The following NFYB variants were observed in gnomAD, a reference collection of about 807,000 sequenced individuals.
NFYB encodes the protein CAAT box DNA-binding protein subunit B.
Under a neutral mutation model 28.0 loss-of-function variants are expected in NFYB, and 13 were observed. The ratio of observed to expected loss-of-function variants is 0.46; its 90% CI spans 0.30 to 0.74. The LOEUF (loss-of-function observed/expected upper bound fraction) is 0.74, where lower values mean the gene tolerates loss of function less well. NFYB is among the 30% of genes least tolerant of loss of function. The probability of loss-of-function intolerance (pLI) is 0.07; values close to 1 mark genes in which losing one functional copy is unlikely to be tolerated. For synonymous variants in NFYB, 74 were observed against 75.0 expected (o/e 0.99, Z 0.07); for missense variants, 142 against 247.6 (o/e 0.57, Z 2.86).
At chr12:104,135,939 C>T (rs565918954) in intron 1 of NFYB, among the ~76,000 whole-genome samples, 6 of 152,284 alleles carry the variant, frequency 3.9e-5, no homozygotes, top group African/African-American at 1.2e-4. Context: ...CCCTTATCAT[C>T]TTAATTTTTT....
At chr12:104,131,028 T>TA (rs1308268803) in intron 2 of NFYB, 1 of 152,218 alleles carries the variant, frequency 6.6e-6, no homozygotes, top group Admixed American at 6.5e-5. Context: ...AAGACACTGT[T>TA]CAAATAACCA....
chr12:104,123,688 G>C (rs1329010923), intron 4 of NFYB, among the ~76,000 whole-genome samples: 1 of 152,138 alleles, frequency 6.6e-6, no homozygotes, highest in African/African-American at 2.4e-5. Context: ...TGCCTGGCAG[G>C]GTGACTCATG....
At chr12:104,122,186 T>C (rs1011322954) in intron 5 of NFYB, among the ~76,000 whole-genome samples, 1 of 152,182 alleles carries the variant, frequency 6.6e-6, no homozygotes, top group Non-Finnish European at 1.5e-5. Flanking sequence ...TTCTATGATA[T>C]AGGTACTATT....
rs905432594 is a variant in NFYB, at chr12:104,119,640, G to T, written c.*97C>A. ...TACATTACAGCTATTAATATACAAA[G>T]ATACATCTTTTCACCAGTCTTTCCT... is the stretch of plus-strand genomic sequence containing the variant. On this transcript the variant is annotated 3_prime_UTR_variant, in exon 8 of 8. Transcript: ENST00000240055. The T allele has an allele frequency of 4.8e-5, 40 of 826,516 alleles. 1 individual carries two copies. In the South Asian group the frequency reaches 6.8e-4, roughly 14 times the overall value. 51.2% of individuals were successfully genotyped at this position (826,516 alleles called of 1,614,324 possible).
At position 104,135,384 on chromosome 12, in the gene NFYB, A is replaced by G. The variant is rs1310614616; in HGVS notation, c.6+64T>C. 4.8e-6 allele frequency: 7 copies of G among 1,467,210 alleles called. No homozygotes were observed. In the East Asian group the frequency reaches 7.4e-5, roughly 15 times the overall value. The allele number at this position is 1,467,210 out of a possible 1,614,324, so 90.9% of individuals were successfully genotyped here. A position where few individuals can be genotyped will look rare whatever the true frequency, so the allele number is the denominator to read the frequency against. On this transcript the variant is annotated intron_variant, in intron 2 of 7. Coordinates refer to ENST00000240055, the MANE Select transcript of NFYB (RefSeq NM_006166.4). Reference sequence around the variant, plus strand: ...GCACCTCCAGTATAAATTGGTTACAATTTTATTTCCAGCCAATTACTATTC... The same window carrying G: ...GCACCTCCAGTATAAATTGGTTACAGTTTTATTTCCAGCCAATTACTATTC...
Position 104,117,818 on chromosome 12 carries a change from T to C in NFYB, c.*1919A>G, listed in dbSNP as rs2030318620. The C allele has an allele frequency of 6.6e-6, 1 of 152,242 alleles. No individual in the cohort carries two copies. The highest frequency in any genetic ancestry group is 2.4e-5 in the African/African-American group (1 of 41,462). 9.4% of individuals were successfully genotyped at this position (152,242 alleles called of 1,614,324 possible). A position where few individuals can be genotyped will look rare whatever the true frequency, so the allele number is the denominator to read the frequency against. ...AGACCAAGTGCTTTTATCAGTTATA[T>C]AGTGACACACTGCTTGGATCAAGTG... On this transcript the variant is annotated 3_prime_UTR_variant, in exon 8 of 8. Coordinates refer to ENST00000240055, the MANE Select transcript of NFYB (RefSeq NM_006166.4).
chr12:104,134,185 T>G (rs2031023066), intron 2 of NFYB, among the ~76,000 whole-genome samples: 1 of 152,238 alleles, frequency 6.6e-6, no homozygotes. Context: ...TTCCCTTATT[T>G]TCTTAATGAA....
chr12:104,126,395 TAC>T (rs2030715777), intron 3 of NFYB, 151 bp from the exon 4 acceptor site: 2 of 562,916 alleles, frequency 3.6e-6, no homozygotes, highest in Non-Finnish European at 5.4e-6. Flanking sequence ...TCATAATTTT[TAC>T]AGAGCCAGAA....
At chr12:104,128,652 A>G (rs995235758) in intron 2 of NFYB, 135 bp from the exon 3 acceptor site, 2 of 485,858 alleles carry the variant, frequency 4.1e-6, no homozygotes, top group African/African-American at 2.0e-5. Context: ...AAGAGAATTT[A>G]TATTTCTTTT....
At chr12:104,121,666 T>C (rs2030482605) in intron 5 of NFYB, among the ~76,000 whole-genome samples, 1 of 152,184 alleles carries the variant, frequency 6.6e-6, no homozygotes, top group African/African-American at 2.4e-5. Flanking sequence ...AATCTACAAA[T>C]GATCCAAGTG....
At chr12:104,122,394 T>C (rs1446735352) in intron 5 of NFYB, among the ~76,000 whole-genome samples, 1 of 152,314 alleles carries the variant, frequency 6.6e-6, no homozygotes, top group African/African-American at 2.4e-5. Context: ...TCTATTTAAG[T>C]ACTGTAATAT....
chr12:104,123,123 C>T lies in NFYB; in HGVS notation c.429+103G>A, dbSNP rs1329783363. 1.2e-5 allele frequency: 10 copies of T among 854,552 alleles called. 1 individual carries two copies. The highest frequency in any genetic ancestry group is 7.2e-5 in the South Asian group (4 of 55,420). 52.9% of individuals were successfully genotyped at this position (854,552 alleles called of 1,614,324 possible). A position where few individuals can be genotyped will look rare whatever the true frequency, so the allele number is the denominator to read the frequency against. ...CCCAGGAGGCAGAGGTTGCAGTGAG[C>T]CGAGATCTTGCCACTGTACTCCAGC... On this transcript the variant is annotated intron_variant, in intron 5 of 7. Coordinates refer to ENST00000240055, the MANE Select transcript of NFYB (RefSeq NM_006166.4).
At chr12:104,134,367 G>A (rs1346348670) in intron 2 of NFYB, among the ~76,000 whole-genome samples, 3 of 152,266 alleles carry the variant, frequency 2.0e-5, no homozygotes, top group Admixed American at 6.5e-5. Context: ...GGAAAGGAGG[G>A]AGATTTCCCT....
intron 4 of NFYB, among the ~76,000 whole-genome samples, 192 bp from the exon 5 acceptor site, chr12:104,123,615 A>C (rs1187137873): frequency 1.3e-5 from 2 of 152,236 alleles, no homozygotes; most frequent in East Asian, 3.8e-4. Context: ...AAAAGCTCAA[A>C]TACAAGTGAG....
At chr12:104,121,989 C>A (rs1313366924) in intron 5 of NFYB, among the ~76,000 whole-genome samples, 1 of 152,156 alleles carries the variant, frequency 6.6e-6, no homozygotes, top group Non-Finnish European at 1.5e-5. Context: ...TCCATTCCTA[C>A]AGGCAAAGAT....
At chr12:104,125,975 T>C in intron 4 of NFYB, 139 bp downstream of exon 4, 1 of 861,366 alleles carries the variant, frequency 1.2e-6, no homozygotes, top group Non-Finnish European at 1.7e-6. Context: ...TAACTGTGTA[T>C]GTAGACATGA....
intron 2 of NFYB, among the ~76,000 whole-genome samples, chr12:104,133,999 A>T (rs2031016479): frequency 6.6e-6 from 1 of 152,120 alleles, no homozygotes; most frequent in South Asian, 2.1e-4. Flanking sequence ...CCAGAATGAA[A>T]CCACTCTTAA....
At chr12:104,119,824 C>A in intron 7 of NFYB, 55 bp from the exon 8 acceptor site, 2 of 1,097,528 alleles carry the variant, frequency 1.8e-6, no homozygotes, top group South Asian at 1.3e-5. Flanking sequence ...ATTAAAAGTA[C>A]CATATGCATA....
rs1393907004 is a variant in NFYB, at chr12:104,138,176, C to G, written c.-115G>C. On this transcript the variant is annotated 5_prime_UTR_variant, in exon 1 of 8. Transcript: ENST00000240055. ...GCCCTGGTTGGCTCCCGTCTCCAAT[C>G]GGCTGTTTGGTTGGACAGAAAATGG... 6 of 148,604 alleles carry G rather than the reference C, an allele frequency of 4.0e-5. No individual in the cohort carries two copies. The highest frequency in any genetic ancestry group is 3.0e-5 in the Non-Finnish European group (2 of 66,610). 9.2% of individuals were successfully genotyped at this position (148,604 alleles called of 1,614,324 possible).
Sources: gnomAD v4.1 joint callset for allele counts (sites outside exome capture counted in the v4.1 genomes callset) on GRCh38, gnomAD v4.1.1 for gene constraint, MANE v1.5 for transcripts, NCBI Gene and HGNC (gene_info 2026-07-23, HGNC 2026-07-21) for gene names.